The following FER variants were observed in gnomAD, a reference collection of about 807,000 sequenced individuals.
The protein encoded by FER is tyrosine-protein kinase Fer.
In FER, 63 loss-of-function variants were observed where a neutral mutation model predicts 111.0. The ratio of observed to expected loss-of-function variants is 0.57; its 90% confidence interval spans 0.46 to 0.70. FER has a LOEUF of 0.70. Ranked by LOEUF, FER falls within the 30% of genes least tolerant of loss-of-function variation. The probability of loss-of-function intolerance (pLI) is 0.00; values close to 1 mark genes in which losing one functional copy is unlikely to be tolerated. For missense variants in FER, 914 were observed against 954.0 expected (o/e 0.96, Z 0.55); for synonymous variants, 327 against 313.9 (o/e 1.04, Z -0.44).
At chr5:108,950,965 A>G (rs1757648935) in intron 11 of FER, among the ~76,000 whole-genome samples, 1 of 142,890 alleles carries the variant, frequency 7.0e-6, no homozygotes, top group South Asian at 2.1e-4. Context: ...GTCCTATGGA[A>G]TTAAAAAAAA....
chr5:109,029,469 A>G (rs115757266), intron 13 of FER, among the ~76,000 whole-genome samples: 1,259 of 107,878 alleles, frequency 0.012, 22 homozygotes, highest in African/African-American at 0.045. Flanking sequence ...AAAGAGTCCC[A>G]CTTTGTTTCC....
intron 13 of FER, among the ~76,000 whole-genome samples, chr5:108,982,830 T>G (rs1218291199): frequency 2.0e-5 from 3 of 151,884 alleles, no homozygotes; most frequent in Admixed American, 2.0e-4. Context: ...TTCTCAACAT[T>G]TTTCTCTTTT....
intron 17 of FER, among the ~76,000 whole-genome samples, chr5:109,116,759 G>T (rs75884833): frequency 0.034 from 5,200 of 152,182 alleles, 144 homozygotes; most frequent in South Asian, 0.084. Context: ...GTCACTCTTT[G>T]TAAGTAAAGA....
intron 17 of FER, among the ~76,000 whole-genome samples, chr5:109,107,877 G>A (rs2150081746): frequency 6.6e-6 from 1 of 152,200 alleles, no homozygotes; most frequent in Non-Finnish European, 1.5e-5. Context: ...TAACCTGCCA[G>A]GCCCAGCATC....
In FER at chr5:108,832,928, G is replaced by A. The variant is rs376506569; in HGVS notation, c.366G>A (p.Glu122=). ...KSYIGVHQQI[E]AEMIKVTKTE... ...ACATAGGTGTTCATCAGCAGATAGA[G>A]GCAGAGATGATCAAGGTTCGTTTTT... Residue 122 remains glutamate (E), a synonymous_variant, in exon 4 of 20, where the codon GAG becomes GAA. Coordinates refer to ENST00000281092, the MANE Select transcript of FER (RefSeq NM_005246.4). 5.1e-6 allele frequency: 8 copies of A among 1,572,392 alleles called. No homozygotes were observed. In the Middle Eastern group the frequency reaches 6.8e-4, roughly 134 times the overall value.
At chr5:108,833,026 T>A in intron 4 of FER, 83 bp downstream of exon 4, 1 of 1,249,780 alleles carries the variant, frequency 8.0e-7, no homozygotes, top group Non-Finnish European at 1.1e-6. Context: ...GCTTTAAAAA[T>A]TGTTTATTCA....
chr5:109,058,513 T>C (rs1773926791), intron 16 of FER, among the ~76,000 whole-genome samples: 2 of 146,188 alleles, frequency 1.4e-5, no homozygotes, highest in Admixed American at 6.7e-5. Context: ...TTAAAATTAA[T>C]TGATTTTTTT....
intron 17 of FER, among the ~76,000 whole-genome samples, chr5:109,107,886 T>C (rs1157265601): frequency 6.6e-6 from 1 of 152,154 alleles, no homozygotes; most frequent in Non-Finnish European, 1.5e-5. Context: ...AGGCCCAGCA[T>C]CTGCAGGTAA....
At chr5:109,059,232 A>T (rs1774058545) in intron 16 of FER, among the ~76,000 whole-genome samples, 1 of 152,298 alleles carries the variant, frequency 6.6e-6, no homozygotes, top group East Asian at 1.9e-4. Context: ...TTTCCACTAC[A>T]AAATCAAAAC....
intron 17 of FER, among the ~76,000 whole-genome samples, chr5:109,129,835 T>C (rs1472690291): frequency 6.6e-6 from 1 of 152,042 alleles, no homozygotes; most frequent in African/African-American, 2.4e-5. Context: ...AATCAAAACA[T>C]CAAATATGTG....
chr5:108,986,369 T>C (rs1762578538), intron 13 of FER, among the ~76,000 whole-genome samples: 1 of 152,008 alleles, frequency 6.6e-6, no homozygotes, highest in Admixed American at 6.6e-5. Flanking sequence ...GTATAGATTG[T>C]GAAGATTTTC....
At chr5:109,029,511 A>G (rs1185513089) in intron 13 of FER, among the ~76,000 whole-genome samples, 16 of 145,608 alleles carry the variant, frequency 1.1e-4, no homozygotes, top group East Asian at 8.0e-4. Flanking sequence ...GCCTGAAGCA[A>G]TCCTCCTGCC....
chr5:108,988,204 A>C (rs1301606967), intron 13 of FER, among the ~76,000 whole-genome samples: 2 of 152,006 alleles, frequency 1.3e-5, no homozygotes, highest in Non-Finnish European at 2.9e-5. Flanking sequence ...TGTATTTCTT[A>C]AGGATTTTTG....
chr5:109,098,971 G>C (rs1336804561), intron 16 of FER, among the ~76,000 whole-genome samples: 3 of 151,526 alleles, frequency 2.0e-5, no homozygotes, highest in Non-Finnish European at 4.4e-5. Flanking sequence ...TAAGGAAAAA[G>C]CCACTAAGTC....
intron 16 of FER, among the ~76,000 whole-genome samples, chr5:109,053,759 T>C (rs919223524): frequency 2.1e-4 from 31 of 150,046 alleles, no homozygotes; most frequent in Admixed American, 6.7e-4. Context: ...GGTGCGATCT[T>C]GGCTCACTGC....
chr5:109,174,959 G>C (rs1438102978), intron 17 of FER, among the ~76,000 whole-genome samples: 3 of 152,090 alleles, frequency 2.0e-5, no homozygotes, highest in Non-Finnish European at 2.9e-5. Flanking sequence ...TTAGCTTCCT[G>C]GGCTTCAGTT....
chr5:108,875,524 T>C (rs1441490783), intron 8 of FER, among the ~76,000 whole-genome samples: 2 of 152,138 alleles, frequency 1.3e-5, no homozygotes, highest in Non-Finnish European at 2.9e-5. Flanking sequence ...TACTATTTAA[T>C]TGAATAATTT....
Position 108,753,310 on chromosome 5 carries a change from A to C in FER, c.-206+5310A>C, listed in dbSNP as rs1750705097. 2.6e-5 allele frequency among the ~76,000 whole-genome samples: 4 copies of C among 152,270 alleles called. No individual in the cohort carries two copies. In the South Asian group the frequency reaches 8.3e-4, roughly 32 times the overall value. On this transcript the variant is annotated intron_variant, in intron 1 of 19. Coordinates refer to ENST00000281092, the MANE Select transcript of FER (RefSeq NM_005246.4). Reference sequence around the variant, plus strand: ...TTTAAATTTACAATAAATTTACTTAAGTTGAATGACATTTGCATTTATACA... The same window carrying C: ...TTTAAATTTACAATAAATTTACTTACGTTGAATGACATTTGCATTTATACA...
At position 108,867,834 on chromosome 5, in the gene FER, T is replaced by C; in HGVS notation, c.549T>C (p.Asn183=). The change falls in exon 6 of 20, where the codon AAT becomes AAC. Residue 183 remains asparagine (N), a synonymous_variant. Coordinates refer to ENST00000281092, the MANE Select transcript of FER (RefSeq NM_005246.4). ...KATMKLHMLH[N]QYVLALKGAQ... Reference sequence around the variant, plus strand: ...CAATGAAACTTCATATGTTGCACAATCAGTATGTATTGGCGTTGAAAGGGG... The same window carrying C: ...CAATGAAACTTCATATGTTGCACAACCAGTATGTATTGGCGTTGAAAGGGG... 6.2e-7 allele frequency: 1 copy of C among 1,612,818 alleles called. No individual in the cohort carries two copies. The highest frequency in any genetic ancestry group is 8.5e-7 in the Non-Finnish European group (1 of 1,179,456).
Sources: gnomAD v4.1 joint callset for allele counts (sites outside exome capture counted in the v4.1 genomes callset) on GRCh38, gnomAD v4.1.1 for gene constraint, MANE v1.5 for transcripts, NCBI Gene and HGNC (gene_info 2026-07-23, HGNC 2026-07-21) for gene names.